Variants in MEF2A observed in about 807,000 individuals in gnomAD.
MEF2A encodes the protein myocyte-specific enhancer factor 2A.
Under a neutral mutation model 55.8 loss-of-function variants are expected in MEF2A, and 28 were observed. The observed-to-expected ratio is 0.50, with a 90% CI of 0.37 to 0.69. The LOEUF (loss-of-function observed/expected upper bound fraction) is 0.69, where lower values mean the gene tolerates loss of function less well. MEF2A is among the 30% of genes least tolerant of loss of function. The pLI, the probability that MEF2A is intolerant of heterozygous loss-of-function variation, is 0.00. For missense variants in MEF2A, 528 were observed against 626.2 expected (o/e 0.84, Z 1.67); for synonymous variants, 239 against 227.1 (o/e 1.05, Z -0.47).
chr15:99,610,609 A>G (rs1489226083), intron 2 of MEF2A, among the ~76,000 whole-genome samples: 2 of 152,162 alleles, frequency 1.3e-5, no homozygotes, highest in Non-Finnish European at 1.5e-5. Flanking sequence ...AAACAGATCA[A>G]TGGGACAGAA....
In MEF2A at chr15:99,716,061, A is replaced by C. The variant is rs2059125227; in HGVS notation, c.*3290A>C. On this transcript the variant is annotated 3_prime_UTR_variant, in exon 12 of 12. Transcript: ENST00000557942. ...GGAAGCTGAAAACTCCTGGCATTGG[A>C]TCTTAAGCTAGATGATTAGAATGTG... is the stretch of plus-strand genomic sequence containing the variant. 2 of 156,944 alleles carry C rather than the reference A, an allele frequency of 1.3e-5. 1 individual carries two copies. The highest frequency in any genetic ancestry group is 3.7e-4 in the South Asian group (2 of 5,348). 9.7% of individuals were successfully genotyped at this position (156,944 alleles called of 1,614,324 possible). A position where few individuals can be genotyped will look rare whatever the true frequency, so the allele number is the denominator to read the frequency against.
intron 2 of MEF2A, among the ~76,000 whole-genome samples, chr15:99,610,436 C>CT (rs1976819995): frequency 1.7e-5 from 2 of 116,516 alleles, no homozygotes; most frequent in South Asian, 3.2e-4. Flanking sequence ...CACCCCCCCC[C>CT]GAAATTGACA....
chr15:99,628,516 GTTAT>G (rs1485097729), intron 2 of MEF2A, among the ~76,000 whole-genome samples: 2 of 151,750 alleles, frequency 1.3e-5, no homozygotes, highest in East Asian at 1.9e-4. Context: ...CTTCTTTTGG[GTTAT>G]TTATTAATCC....
intron 2 of MEF2A, among the ~76,000 whole-genome samples, chr15:99,600,921 A>G (rs1264051743): frequency 6.6e-6 from 1 of 152,118 alleles, no homozygotes; most frequent in Non-Finnish European, 1.5e-5. Flanking sequence ...CAGCTTCTTA[A>G]TTTCTACAAA....
At position 99,714,103 on chromosome 15, in the gene MEF2A, G is replaced by A. The variant is rs908645479; in HGVS notation, c.*1332G>A. ...CCCTCACTGGTGGTGAATGTGTGAT[G>A]TTACATTGTAATCTTTGTGCTGTAT... On this transcript the variant is annotated 3_prime_UTR_variant, in exon 12 of 12. Coordinates refer to ENST00000557942, the MANE Select transcript of MEF2A (RefSeq NM_001319206.4). 6.6e-6 allele frequency: 1 copy of A among 152,130 alleles called. No homozygotes were observed. The highest frequency in any genetic ancestry group is 1.5e-5 in the Non-Finnish European group (1 of 68,030). The allele number at this position is 152,130 out of a possible 1,614,324, so 9.4% of individuals were successfully genotyped here.
chr15:99,703,622 A>G (rs2057690750), intron 9 of MEF2A, among the ~76,000 whole-genome samples: 1 of 152,046 alleles, frequency 6.6e-6, no homozygotes, highest in South Asian at 2.1e-4. Context: ...CTTTAAAAAC[A>G]GTAGCTGTCC....
chr15:99,590,035 C>T (rs973850713), intron 1 of MEF2A, among the ~76,000 whole-genome samples: 3 of 152,176 alleles, frequency 2.0e-5, no homozygotes, highest in Middle Eastern at 3.4e-3. Flanking sequence ...AGGTCTTATA[C>T]ATCTTCACTG....
Position 99,712,688 on chromosome 15 carries a change from A to G in MEF2A, c.1435A>G (p.Ile479Val), listed in dbSNP as rs111748677. The G allele has an allele frequency of 5.6e-3, 8,750 of 1,562,376 alleles. 30 individuals are homozygous for G. Among genetic ancestry groups the G allele is most frequent in the Non-Finnish European group, 6.8e-3 (7,843 of 1,153,220 alleles). Residue 479 changes from isoleucine (I) to valine (V), a missense_variant, in exon 12 of 12, where the codon ATT (isoleucine) becomes GTT (valine). Ile to Val is a conservative substitution (Grantham distance 29). Transcript: ENST00000557942. This position sits in a 1 kb window ranked among gnomAD's most constrained non-coding sequence, Gnocchi z 4.1. ...EDPRGDFHSP[I>V]VLGRPPNTED... ...TCCACGGGGCGACTTCCATTCTCCAATTGTGCTTGGCCGACCCCCAAACAC... is the reference window on the plus strand; with the variant it reads ...TCCACGGGGCGACTTCCATTCTCCAGTTGTGCTTGGCCGACCCCCAAACAC...
chr15:99,573,156 T>C (rs946012091), intron 1 of MEF2A, among the ~76,000 whole-genome samples: 1 of 151,992 alleles, frequency 6.6e-6, no homozygotes, highest in Non-Finnish European at 1.5e-5. Flanking sequence ...GGCGTGGTGG[T>C]GGGCACCAGT....
chr15:99,646,744 G>T (rs2046022340), intron 4 of MEF2A, among the ~76,000 whole-genome samples: 2 of 151,984 alleles, frequency 1.3e-5, no homozygotes, highest in Admixed American at 1.3e-4. Flanking sequence ...AGTTGTTATT[G>T]TTCCGAAAAT....
intron 4 of MEF2A, among the ~76,000 whole-genome samples, chr15:99,648,267 A>G (rs1159658683): frequency 6.6e-6 from 1 of 152,146 alleles, no homozygotes; most frequent in Non-Finnish European, 1.5e-5. Flanking sequence ...TCATTTGACA[A>G]AGATTTGAGG....
intron 2 of MEF2A, among the ~76,000 whole-genome samples, chr15:99,605,757 G>A (rs1974858478): frequency 6.6e-6 from 1 of 151,610 alleles, no homozygotes; most frequent in South Asian, 2.1e-4. Flanking sequence ...GATCACCTGA[G>A]CCTAGGAGTT....
rs1436830880 is a variant in MEF2A at position 99,622,158 on chromosome 15, A to T, written c.-142-10820A>T. Reference sequence around the variant, plus strand: ...TTAAGACAGTAGAGCCCATATTGGGAATGTTTTTAAAAATCTGGTTCCTGA... The same window carrying T: ...TTAAGACAGTAGAGCCCATATTGGGTATGTTTTTAAAAATCTGGTTCCTGA... On this transcript the variant is annotated intron_variant, in intron 2 of 11. Coordinates refer to ENST00000557942, the MANE Select transcript of MEF2A (RefSeq NM_001319206.4). 2.0e-5 allele frequency among the ~76,000 whole-genome samples: 3 copies of T among 152,300 alleles called. No homozygotes were observed. In the South Asian group the frequency reaches 6.2e-4, roughly 32 times the overall value.
chr15:99,612,797 T>C (rs1230672806), intron 2 of MEF2A, among the ~76,000 whole-genome samples: 1 of 152,178 alleles, frequency 6.6e-6, no homozygotes. Flanking sequence ...TACTTAATAG[T>C]TACACCTGTC....
chr15:99,608,463 G>T (rs186254734), intron 2 of MEF2A, among the ~76,000 whole-genome samples: 1 of 152,178 alleles, frequency 6.6e-6, no homozygotes, highest in African/African-American at 2.4e-5. Context: ...ATTAATCAGA[G>T]AAATCCAAAT....
intron 8 of MEF2A, among the ~76,000 whole-genome samples, chr15:99,692,720 G>A (rs1487020979): frequency 1.3e-5 from 2 of 152,168 alleles, no homozygotes; most frequent in Non-Finnish European, 2.9e-5. Flanking sequence ...TACACAACTG[G>A]GAGAGGGGAA....
Position 99,645,604 on chromosome 15 carries a change from A to G in MEF2A, c.98A>G (p.Tyr33Cys), listed in dbSNP as rs1291551374. The part of the protein sequence containing the change: ...KRKFGLMKKA[Y>C]ELSVLCDCEI... ...AAGTTTGGATTAATGAAGAAAGCCT[A>G]TGAACTTAGTGTGCTCTGTGACTGT... The change falls in exon 4 of 12, where the codon TAT (tyrosine) becomes TGT (cysteine). Residue 33 changes from tyrosine (Y) to cysteine (C), a missense_variant. Transcript: ENST00000557942. 1.2e-6 allele frequency: 2 copies of G among 1,613,596 alleles called. No individual in the cohort carries two copies. The highest frequency in any genetic ancestry group is 1.7e-6 in the Non-Finnish European group (2 of 1,179,734).
chr15:99,581,612 C>T (rs1736390930), intron 1 of MEF2A, among the ~76,000 whole-genome samples: 1 of 152,114 alleles, frequency 6.6e-6, no homozygotes, highest in South Asian at 2.1e-4. Flanking sequence ...CTCTTTTGGA[C>T]TCTGTCCCTT....
At chr15:99,572,777 T>C (rs143183338) in intron 1 of MEF2A, among the ~76,000 whole-genome samples, 3 of 152,368 alleles carry the variant, frequency 2.0e-5, no homozygotes, top group Admixed American at 2.0e-4. Context: ...TCTTGTGTGC[T>C]TCTAAAGCCC....
Sources: allele counts gnomAD v4.1 joint callset (sites outside exome capture counted in the v4.1 genomes callset), GRCh38; gene constraint gnomAD v4.1.1; non-coding constraint Gnocchi (gnomAD v3.1); transcripts MANE v1.5; gene names NCBI Gene and HGNC (gene_info 2026-07-23, HGNC 2026-07-21).